UBE2R2: variants seen among roughly 807,000 people sequenced by gnomAD.
UBE2R2 encodes the protein ubiquitin-conjugating enzyme E2 R2.
UBE2R2 carries 1 observed loss-of-function variant against 27.8 expected under a neutral mutation model. The ratio of observed to expected loss-of-function variants is 0.04; its 90% confidence interval spans 0.01 to 0.17. The LOEUF (loss-of-function observed/expected upper bound fraction) is 0.17. Ranked by LOEUF, UBE2R2 falls within the 10% of genes least tolerant of loss-of-function variation. The probability of loss-of-function intolerance (pLI) is 1.00; values close to 1 mark genes in which losing one functional copy is unlikely to be tolerated. For synonymous variants in UBE2R2, 106 were observed against 113.3 expected (o/e 0.94, Z 0.41); for missense variants, 100 against 291.0 (o/e 0.34, Z 4.78).
At chr9:33,838,190 G>A (rs1820654541) in intron 1 of UBE2R2, among the ~76,000 whole-genome samples, 1 of 149,874 alleles carries the variant, frequency 6.7e-6, no homozygotes, top group Non-Finnish European at 1.5e-5. Flanking sequence ...GTTTTGCTCT[G>A]TTGCCCAGGC....
chr9:33,815,600 C>T (rs140638931), upstream of UBE2R2, among the ~76,000 whole-genome samples: 24 of 152,180 alleles, frequency 1.6e-4, no homozygotes, highest in East Asian at 4.6e-3. Context: ...CAAAAATTAG[C>T]TGGGCATGGC....
intron 1 of UBE2R2, among the ~76,000 whole-genome samples, chr9:33,825,874 G>C (rs1224653062): frequency 6.6e-6 from 1 of 152,198 alleles, no homozygotes; most frequent in Non-Finnish European, 1.5e-5. Context: ...GCTCATGCCT[G>C]CTCACACCTG....
At chr9:33,874,325 G>C (rs1821556549) in intron 1 of UBE2R2, among the ~76,000 whole-genome samples, 1 of 152,056 alleles carries the variant, frequency 6.6e-6, no homozygotes, top group African/African-American at 2.4e-5. Context: ...AGTAGGCATA[G>C]ACCATTGTAT....
chr9:33,816,274 G>T (rs933900235), upstream of UBE2R2, among the ~76,000 whole-genome samples: 3 of 152,082 alleles, frequency 2.0e-5, no homozygotes, highest in Non-Finnish European at 4.4e-5. Context: ...TCTGAACCAC[G>T]GGGGGACCAA....
chr9:33,903,500 T>C (rs1187120426), intron 3 of UBE2R2, among the ~76,000 whole-genome samples: 1 of 152,244 alleles, frequency 6.6e-6, no homozygotes, highest in Non-Finnish European at 1.5e-5. Flanking sequence ...TTTATGCTGC[T>C]TGGCTGGATA....
At chr9:33,884,975 T>C (rs956547947) in intron 1 of UBE2R2, among the ~76,000 whole-genome samples, 4 of 152,236 alleles carry the variant, frequency 2.6e-5, no homozygotes, top group Non-Finnish European at 5.9e-5. Context: ...ATTATTGTTA[T>C]GTGTGGCCAG....
chr9:33,882,754 C>T (rs1821756959), intron 1 of UBE2R2, among the ~76,000 whole-genome samples: 1 of 152,102 alleles, frequency 6.6e-6, no homozygotes, highest in Non-Finnish European at 1.5e-5. Flanking sequence ...GTTGTGTAAC[C>T]ATCACCAAAA....
rs140169417 is a variant in UBE2R2 at position 33,856,888 on chromosome 9, CTTTTTTTTT to C, written c.178-29975_178-29967del. On this transcript the variant is annotated intron_variant, in intron 1 of 4. Coordinates refer to ENST00000263228, the MANE Select transcript of UBE2R2 (RefSeq NM_017811.4). ...GTCCGTCCTTCCTTCCTTCCTTTCA[CTTTTTTTTT>C]TTTTTTTTTTTTTTTTTGAGACAGA... Among the ~76,000 whole-genome samples the C allele has an allele frequency of 7.3e-5, 6 of 82,354 alleles. No homozygotes were observed. The East Asian group carries it at 2.3e-3, about 31-fold the overall frequency. 54.0% of individuals were successfully genotyped at this position (82,354 alleles called of 152,430 possible).
chr9:33,865,990 C>T (rs1821354173), intron 1 of UBE2R2, among the ~76,000 whole-genome samples: 2 of 151,806 alleles, frequency 1.3e-5, no homozygotes, highest in Non-Finnish European at 2.9e-5. Context: ...CACCACCACA[C>T]TCGGCTAATT....
At position 33,867,669 on chromosome 9, in the gene UBE2R2, AT is replaced by A. The variant is rs547898199; in HGVS notation, c.178-19211del. Among the ~76,000 whole-genome samples the A allele has an allele frequency of 1.6e-3, 250 of 152,304 alleles. 1 individual carries two copies. The highest frequency in any genetic ancestry group is 3.4e-3 in the Middle Eastern group (1 of 294). On this transcript the variant is annotated intron_variant, in intron 1 of 4. Transcript: ENST00000263228. ...ACTGAATTTATTTACTGGCATTTAG[AT>A]ATCCTCTTTTGTGAAATGCCTGTTC...
intron 1 of UBE2R2, among the ~76,000 whole-genome samples, chr9:33,869,907 C>T (rs565902386): frequency 1.1e-4 from 16 of 152,056 alleles, no homozygotes; most frequent in African/African-American, 2.2e-4. Flanking sequence ...AGTGCAATGG[C>T]GCGATCTCGG....
At chr9:33,899,436 G>A (rs928326923) in intron 2 of UBE2R2, among the ~76,000 whole-genome samples, 9 of 146,856 alleles carry the variant, frequency 6.1e-5, no homozygotes, top group Non-Finnish European at 1.1e-4. Context: ...GTGCATTGGC[G>A]CGATCTTGGC....
chr9:33,875,897 A>G (rs1821592179), intron 1 of UBE2R2, among the ~76,000 whole-genome samples: 1 of 152,210 alleles, frequency 6.6e-6, no homozygotes, highest in South Asian at 2.1e-4. Flanking sequence ...CTGAAATGGT[A>G]TGAGATCTTA....
chr9:33,827,271 G>C (rs1017264029), intron 1 of UBE2R2, among the ~76,000 whole-genome samples: 3 of 152,194 alleles, frequency 2.0e-5, no homozygotes, highest in African/African-American at 7.2e-5. Flanking sequence ...CGAGGCTTCA[G>C]TGAGCCATGA....
chr9:33,854,188 TA>T (rs1386601815), intron 1 of UBE2R2, among the ~76,000 whole-genome samples: 1 of 152,150 alleles, frequency 6.6e-6, no homozygotes, highest in Admixed American at 6.6e-5. Flanking sequence ...ATATCATAGT[TA>T]ATGTGATCTC....
chr9:33,897,367 G>C (rs1822137435), intron 2 of UBE2R2, among the ~76,000 whole-genome samples: 1 of 149,280 alleles, frequency 6.7e-6, no homozygotes, highest in Non-Finnish European at 1.5e-5. Context: ...GCCCAGGCTG[G>C]AGTACAATGG....
chr9:33,889,370 C>CT (rs1049775213), intron 2 of UBE2R2, among the ~76,000 whole-genome samples: 38 of 151,552 alleles, frequency 2.5e-4, no homozygotes, highest in East Asian at 2.3e-3. Context: ...TTGCCTCTTT[C>CT]TTTTTTTTTA....
intron 2 of UBE2R2, among the ~76,000 whole-genome samples, chr9:33,888,910 G>C (rs1020062156): frequency 6.6e-6 from 1 of 152,182 alleles, no homozygotes; most frequent in Admixed American, 6.5e-5. Context: ...TGGGGCAGCT[G>C]TGTCATTTTC....
chr9:33,886,906 A>C lies in UBE2R2; in HGVS notation c.203A>C (p.Tyr68Ser). 1 of 1,597,682 alleles carries C rather than the reference A, an allele frequency of 6.3e-7. No homozygotes were observed. The highest frequency in any genetic ancestry group is 8.5e-7 in the Non-Finnish European group (1 of 1,176,446). ...FKAHIKFPID[Y>S]PYSPPTFRFL... is the part of the protein sequence containing the mutation. ...GCGCATATTAAATTTCCTATTGACT[A>C]CCCCTATTCACCACCTACCTTCAGA... is the stretch of plus-strand genomic sequence containing the variant. The change falls in exon 2 of 5, where the codon TAC becomes TCC. Residue 68 changes from tyrosine (Y) to serine (S), a missense_variant. Tyr to Ser is a moderately radical substitution (Grantham distance 144, BLOSUM62 -2). Around this residue, in one of 3 missense-constraint regions of UBE2R2, gnomAD observed 43 missense variants for 129.2 expected, o/e 0.33. Transcript: ENST00000263228.
Sources: gnomAD v4.1 joint callset for allele counts (sites outside exome capture counted in the v4.1 genomes callset) on GRCh38, gnomAD v4.1.1 for gene constraint, gnomAD v4.1.1 regional missense constraint, MANE v1.5 for transcripts, NCBI Gene and HGNC (gene_info 2026-07-23, HGNC 2026-07-21) for gene names.